The following CUX2 variants were observed in gnomAD, a reference collection of about 807,000 sequenced individuals.
The protein encoded by CUX2 is homeobox protein cut-like 2.
Under a neutral mutation model 144.8 loss-of-function variants are expected in CUX2, and 40 were observed. That is an observed-to-expected ratio of 0.28 (90% CI 0.21 to 0.36). The LOEUF (loss-of-function observed/expected upper bound fraction) is 0.36, where lower values mean the gene tolerates loss of function less well. CUX2 is among the 10% of genes least tolerant of loss of function. The pLI, the probability that CUX2 is intolerant of heterozygous loss-of-function variation, is 1.00. For missense variants in CUX2, 1,615 were observed against 1,994.0 expected (o/e 0.81, Z 3.62); for synonymous variants, 827 against 875.6 (o/e 0.94, Z 0.98).
intron 1 of CUX2, among the ~76,000 whole-genome samples, chr12:111,199,084 C>T (rs905897043): frequency 4.6e-5 from 7 of 152,074 alleles, no homozygotes; most frequent in Non-Finnish European, 7.4e-5. Flanking sequence ...GAGGAGGCCT[C>T]GGAAATAATC....
intron 1 of CUX2, among the ~76,000 whole-genome samples, chr12:111,213,971 C>T (rs957681207): frequency 2.0e-5 from 3 of 151,634 alleles, no homozygotes; most frequent in Admixed American, 2.0e-4. Context: ...ATTGATCTGG[C>T]CTGACTTCCG....
At chr12:111,336,946 G>A (rs921476226) in intron 19 of CUX2, among the ~76,000 whole-genome samples, 3 of 151,774 alleles carry the variant, frequency 2.0e-5, no homozygotes, top group African/African-American at 4.8e-5. Flanking sequence ...AGGCCGAGGC[G>A]GGAGGACTGT....
chr12:111,320,586 C>G lies in CUX2; in HGVS notation c.2577C>G (p.Ala859=). The change falls in exon 17 of 22, where the codon GCC becomes GCG. Residue 859 remains alanine (A), a synonymous_variant. Coordinates refer to ENST00000261726, the MANE Select transcript of CUX2 (RefSeq NM_015267.4). This position sits in a 1 kb window ranked among gnomAD's most constrained non-coding sequence, Gnocchi z 8.1. Reference sequence around the variant, plus strand: ...AGCTCAAGGCTGAGGGCGCGACGGCCGAGGCGGGCGCGCGGCTGCCCTACT... The same window carrying G: ...AGCTCAAGGCTGAGGGCGCGACGGCGGAGGCGGGCGCGCGGCTGCCCTACT... ...TGELKAEGAT[A]EAGARLPYYP... is the part of the protein sequence containing the mutation. The G allele has an allele frequency of 6.6e-7, 1 of 1,520,204 alleles. No individual in the cohort carries two copies. Among genetic ancestry groups the G allele is most frequent in the Non-Finnish European group, 8.8e-7 (1 of 1,142,052 alleles). 94.2% of individuals were successfully genotyped at this position (1,520,204 alleles called of 1,614,324 possible).
chr12:111,195,501 G>T (rs1223854130), intron 1 of CUX2, among the ~76,000 whole-genome samples: 1 of 152,248 alleles, frequency 6.6e-6, no homozygotes, highest in Non-Finnish European at 1.5e-5. Flanking sequence ...CAAGGGTACA[G>T]AATGAAATTG....
intron 3 of CUX2, among the ~76,000 whole-genome samples, chr12:111,240,875 A>G (rs539070198): frequency 1.3e-5 from 2 of 152,284 alleles, no homozygotes; most frequent in South Asian, 2.1e-4. Context: ...TTAATACCTC[A>G]GGGTCTAGAA....
At position 111,334,601 on chromosome 12, in the gene CUX2, A is replaced by AGGCAGCCAGGCCCCAGGG; in HGVS notation, c.3092_3109dup (p.Ser1031_Gly1036dup). On this transcript the variant is annotated inframe_insertion, in exon 19 of 22. Coordinates refer to ENST00000261726, the MANE Select transcript of CUX2 (RefSeq NM_015267.4). ...CCTCGTTGAGCGGGAAGATGTACTC[A>AGGCAGCCAGGCCCCAGGG]GGCAGCCAGGCCCCAGGGGGCATCC... 2 of 1,614,054 alleles carry AGGCAGCCAGGCCCCAGGG rather than the reference A, an allele frequency of 1.2e-6. No individual in the cohort carries two copies. Among genetic ancestry groups the AGGCAGCCAGGCCCCAGGG allele is most frequent in the Non-Finnish European group, 1.7e-6 (2 of 1,180,038 alleles).
intron 3 of CUX2, among the ~76,000 whole-genome samples, chr12:111,234,038 C>T (rs1335524191): frequency 6.6e-6 from 1 of 152,164 alleles, no homozygotes; most frequent in Non-Finnish European, 1.5e-5. Context: ...ATCATTTCTG[C>T]CCACATTCAT....
chr12:111,146,891 T>G (rs1876712105), intron 1 of CUX2, among the ~76,000 whole-genome samples: 1 of 152,172 alleles, frequency 6.6e-6, no homozygotes, highest in South Asian at 2.1e-4. Flanking sequence ...CCCAGCACCT[T>G]GGGAGGTTGA....
At chr12:111,302,461 G>C (rs1886339088) in intron 9 of CUX2, among the ~76,000 whole-genome samples, 1 of 152,194 alleles carries the variant, frequency 6.6e-6, no homozygotes, top group Non-Finnish European at 1.5e-5. Context: ...GGAAACCGAG[G>C]CTGGGGAGAT....
intron 1 of CUX2, among the ~76,000 whole-genome samples, chr12:111,087,277 A>T (rs987704650): frequency 1.4e-5 from 2 of 140,316 alleles, no homozygotes; most frequent in African/African-American, 5.3e-5. Flanking sequence ...CTGAGGCAGG[A>T]GAATTGCTTG....
At chr12:111,091,597 A>G (rs1872556637) in intron 1 of CUX2, among the ~76,000 whole-genome samples, 2 of 152,180 alleles carry the variant, frequency 1.3e-5, no homozygotes, top group African/African-American at 4.8e-5. Flanking sequence ...CTTTTTATAG[A>G]AGAACGCTGT....
Position 111,298,530 on chromosome 12 carries a change from T to C in CUX2, c.705-11T>C. Reference sequence around the variant, plus strand: ...GAAGCCCTTCCTCAGGGCCTCATCTTTGTGTCTCAGGGCAGATGAAGTCGG... The same window carrying C: ...GAAGCCCTTCCTCAGGGCCTCATCTCTGTGTCTCAGGGCAGATGAAGTCGG... On this transcript the variant is annotated splice_polypyrimidine_tract_variant and intron_variant, in intron 8 of 21. Transcript: ENST00000261726. 3 of 1,572,920 alleles carry C rather than the reference T, an allele frequency of 1.9e-6. No individual in the cohort carries two copies. The highest frequency in any genetic ancestry group is 2.6e-6 in the Non-Finnish European group (3 of 1,158,718).
chr12:111,209,246 A>C (rs1881079122), intron 1 of CUX2, among the ~76,000 whole-genome samples: 1 of 152,158 alleles, frequency 6.6e-6, no homozygotes, highest in Admixed American at 6.5e-5. Flanking sequence ...AAAAAATAAA[A>C]ACTAGCCTGG....
chr12:111,145,033 C>T (rs1194645139), intron 1 of CUX2, among the ~76,000 whole-genome samples: 1 of 152,208 alleles, frequency 6.6e-6, no homozygotes, highest in African/African-American at 2.4e-5. Context: ...TCTTTCATCT[C>T]ACCTCCTAGC....
At chr12:111,191,834 A>G (rs936941966) in intron 1 of CUX2, among the ~76,000 whole-genome samples, 1 of 150,962 alleles carries the variant, frequency 6.6e-6, no homozygotes, top group African/African-American at 2.4e-5. Context: ...GTGTCACCCC[A>G]CCTCCTTCGG....
intron 1 of CUX2, among the ~76,000 whole-genome samples, chr12:111,165,083 G>A: frequency 6.6e-6 from 1 of 152,154 alleles, no homozygotes; most frequent in East Asian, 1.9e-4. Flanking sequence ...AATTATATGA[G>A]CAATGGATTC....
intron 1 of CUX2, among the ~76,000 whole-genome samples, chr12:111,100,756 G>A (rs548255875): frequency 1.3e-5 from 2 of 152,330 alleles, no homozygotes; most frequent in Non-Finnish European, 1.5e-5. Context: ...ACAGGAGGGT[G>A]TGAGCAGTGC....
intron 1 of CUX2, among the ~76,000 whole-genome samples, chr12:111,212,205 G>A (rs1881273039): frequency 6.6e-6 from 1 of 152,214 alleles, no homozygotes. Context: ...ATTAGAAACT[G>A]TGATTAGTTT....
chr12:111,344,599 C>T, intron 21 of CUX2, among the ~76,000 whole-genome samples: 1 of 152,244 alleles, frequency 6.6e-6, no homozygotes. Flanking sequence ...CATCGAAGCT[C>T]TTCCCACTGG....
Sources: allele counts gnomAD v4.1 joint callset (sites outside exome capture counted in the v4.1 genomes callset), GRCh38; gene constraint gnomAD v4.1.1; non-coding constraint Gnocchi (gnomAD v3.1); transcripts MANE v1.5; gene names NCBI Gene and HGNC (gene_info 2026-07-23, HGNC 2026-07-21).